ESR1: variants seen among roughly 807,000 people sequenced by gnomAD.
The protein encoded by ESR1 is estrogen receptor 1, also known as estrogen receptor.
ESR1 carries 12 observed loss-of-function variants against 52.7 expected under a neutral mutation model. That is an observed-to-expected ratio of 0.23 (90% CI 0.15 to 0.37). The LOEUF is 0.37. Among genes scored for constraint, ESR1 ranks in the 10% least tolerant of loss-of-function variants. ESR1 has a pLI of 1.00. For synonymous variants in ESR1, 305 were observed against 316.8 expected (o/e 0.96, Z 0.39); for missense variants, 584 against 779.7 (o/e 0.75, Z 2.99).
At chr6:152,071,731 G>T (rs968401923) in intron 6 of ESR1, among the ~76,000 whole-genome samples, 2 of 152,168 alleles carry the variant, frequency 1.3e-5, no homozygotes, top group Non-Finnish European at 2.9e-5. Flanking sequence ...AATCAGTCAT[G>T]ATGATACAAC....
chr6:151,802,915 C>T (rs1429091537), upstream of ESR1, among the ~76,000 whole-genome samples: 2 of 151,554 alleles, frequency 1.3e-5, no homozygotes, highest in Admixed American at 6.6e-5. Flanking sequence ...TCGCTTGAAC[C>T]CAGGAGGCAG....
At chr6:151,912,233 CTTA>C (rs1798378659) in intron 3 of ESR1, among the ~76,000 whole-genome samples, 1 of 152,176 alleles carries the variant, frequency 6.6e-6, no homozygotes, top group African/African-American at 2.4e-5. Context: ...GGCGCTGTAT[CTTA>C]CATTATGTTT....
At chr6:151,697,665 C>A (rs1308536340) in intron 1 of ESR1, among the ~76,000 whole-genome samples, 1 of 152,172 alleles carries the variant, frequency 6.6e-6, no homozygotes, top group African/African-American at 2.4e-5. Context: ...ATGTTGGGTA[C>A]TGAATAAGTC....
upstream of ESR1, among the ~76,000 whole-genome samples, chr6:151,686,765 A>G (rs568127593): frequency 6.6e-6 from 1 of 152,206 alleles, no homozygotes; most frequent in African/African-American, 2.4e-5. Flanking sequence ...TGTTTAAGGT[A>G]GCTAAACACT....
At chr6:151,730,519 C>T (rs1488752403) in intron 2 of ESR1, among the ~76,000 whole-genome samples, 1 of 152,134 alleles carries the variant, frequency 6.6e-6, no homozygotes, top group East Asian at 1.9e-4. Context: ...AAAACCTGTC[C>T]CACCTCTCCC....
intron 4 of ESR1, among the ~76,000 whole-genome samples, chr6:151,992,137 C>T (rs2041084440): frequency 6.6e-6 from 1 of 152,090 alleles, no homozygotes; most frequent in South Asian, 2.1e-4. Flanking sequence ...TCTTGTTATG[C>T]CCTAAAAATG....
intron 1 of ESR1, among the ~76,000 whole-genome samples, chr6:151,685,182 G>A (rs1437481037): frequency 6.1e-5 from 8 of 130,896 alleles, no homozygotes; most frequent in Non-Finnish European, 1.2e-4. Context: ...GCCGGACTGC[G>A]GACTGCAGTG....
chr6:151,686,410 A>G (rs971125255), upstream of ESR1, among the ~76,000 whole-genome samples: 9 of 152,190 alleles, frequency 5.9e-5, no homozygotes, highest in East Asian at 1.4e-3. Context: ...CTGGGGCTGG[A>G]CGCAGTGGCT....
At position 151,910,763 on chromosome 6, in the gene ESR1, G is replaced by T. The variant is rs183427867; in HGVS notation, c.760+29992G>T. On this transcript the variant is annotated intron_variant, in intron 3 of 7. Coordinates refer to ENST00000206249, the MANE Select transcript of ESR1 (RefSeq NM_000125.4). ...GTAATAGAATCTCTTACTTTTTAAA[G>T]TCTCATTATGAAAATTATATTTCAG... 5.8e-3 allele frequency among the ~76,000 whole-genome samples: 880 copies of T among 152,262 alleles called. 5 individuals carry two copies. The highest frequency in any genetic ancestry group is 9.2e-3 in the Non-Finnish European group (624 of 68,022).
chr6:152,018,820 T>C (rs2043376642), intron 5 of ESR1, among the ~76,000 whole-genome samples: 1 of 140,462 alleles, frequency 7.1e-6, no homozygotes, highest in South Asian at 2.4e-4. Flanking sequence ...CTCTATCATA[T>C]GGAATTGAGT....
intron 6 of ESR1, chr6:152,112,793 G>A (rs948105358): frequency 2.6e-5 from 4 of 152,238 alleles, no homozygotes; most frequent in Non-Finnish European, 4.4e-5. Context: ...GCGGCCAAGG[G>A]ATTTGCAGAA....
At chr6:152,075,309 G>C (rs1180371732) in intron 6 of ESR1, among the ~76,000 whole-genome samples, 1 of 152,140 alleles carries the variant, frequency 6.6e-6, no homozygotes, top group Non-Finnish European at 1.5e-5. Flanking sequence ...ATGTTTTAAA[G>C]ACCACTGAAC....
intron 2 of ESR1, among the ~76,000 whole-genome samples, chr6:151,790,765 T>A (rs1032312999): frequency 2.0e-4 from 30 of 152,268 alleles, no homozygotes; most frequent in Middle Eastern, 3.4e-3. Flanking sequence ...GCCCAGCAAA[T>A]CACTTAATTC....
chr6:151,748,037 A>C (rs188108862), intron 2 of ESR1, among the ~76,000 whole-genome samples: 1 of 151,884 alleles, frequency 6.6e-6, no homozygotes, highest in East Asian at 1.9e-4. Context: ...CCCTATATTT[A>C]GCACTTCCAG....
intron 2 of ESR1, among the ~76,000 whole-genome samples, chr6:151,712,716 T>G (rs901616786): frequency 1.3e-5 from 2 of 152,164 alleles, no homozygotes; most frequent in Non-Finnish European, 2.9e-5. Context: ...GAAGTTGCTT[T>G]TCAGATTAAG....
At chr6:151,682,718 G>C (rs952838706) in intron 1 of ESR1, among the ~76,000 whole-genome samples, 2 of 152,122 alleles carry the variant, frequency 1.3e-5, no homozygotes, top group Admixed American at 6.5e-5. Context: ...ATCTTGTTTA[G>C]GTTTCCTTAA....
chr6:151,958,990 G>GTGTGTGTGTA (rs1344495723), intron 4 of ESR1, among the ~76,000 whole-genome samples: 2 of 152,056 alleles, frequency 1.3e-5, no homozygotes, highest in African/African-American at 4.8e-5. Context: ...GTGTGTGTGT[G>GTGTGTGTGTA]TGTGCGTGTG....
intron 3 of ESR1, among the ~76,000 whole-genome samples, chr6:151,927,325 T>C (rs933447486): frequency 6.6e-6 from 1 of 152,170 alleles, no homozygotes; most frequent in Non-Finnish European, 1.5e-5. Context: ...TATCTTTATC[T>C]GATTTGGGTA....
At chr6:152,058,837 ATCT>A (rs2047315612) in intron 5 of ESR1, among the ~76,000 whole-genome samples, 1 of 152,216 alleles carries the variant, frequency 6.6e-6, no homozygotes, top group Non-Finnish European at 1.5e-5. Flanking sequence ...AGAGAAGAAG[ATCT>A]TCTTGTTGGA....
Sources: allele counts gnomAD v4.1 joint callset (sites outside exome capture counted in the v4.1 genomes callset), GRCh38; gene constraint gnomAD v4.1.1; transcripts MANE v1.5; gene names NCBI Gene and HGNC (gene_info 2026-07-23, HGNC 2026-07-21).